NRROS: variants seen among roughly 807,000 people sequenced by gnomAD.
NRROS encodes the protein negative regulator of reactive oxygen species, also known as transforming growth factor beta activator LRRC33.
In NRROS, 6 loss-of-function variants were observed where a neutral mutation model predicts 12.0. The ratio of observed to expected loss-of-function variants is 0.50; its 90% CI spans 0.27 to 0.98. The LOEUF (loss-of-function observed/expected upper bound fraction) is 0.98, where lower values mean the gene tolerates loss of function less well. NRROS is among the 50% of genes least tolerant of loss of function. The probability of loss-of-function intolerance (pLI) is 0.11; values close to 1 mark genes in which losing one functional copy is unlikely to be tolerated. For missense variants in NRROS, 857 were observed against 888.2 expected (o/e 0.96, Z 0.45); for synonymous variants, 462 against 410.2 (o/e 1.13, Z -1.53).
rs767184067 is a variant in NRROS, at chr3:196,661,655, TC to T, written c.2014del (p.Leu672SerfsTer86). On this transcript the variant is annotated frameshift_variant, in exon 3 of 3. Coordinates refer to ENST00000328557, the MANE Select transcript of NRROS (RefSeq NM_198565.3). LOFTEE classifies it high-confidence loss of function. Reference protein sequence around the residue: ...LTLLVACTVIVLTFKKPLLQV... With the variant: ...LTLLVACTVIXLTFKKPLLQV... ...CTGCTGGTGGCCTGCACTGTCATCGTCCTCACTTTTAAGAAGCCTCTGCTTC... is the reference window on the plus strand; with the variant it reads ...CTGCTGGTGGCCTGCACTGTCATCGTCTCACTTTTAAGAAGCCTCTGCTTC... 7 of 1,608,034 alleles carry T rather than the reference TC, an allele frequency of 4.4e-6. 1 individual carries two copies. The South Asian group carries it at 7.7e-5, about 18-fold the overall frequency.
Position 196,654,569 on chromosome 3 carries a change from G to T in NRROS, c.30G>T (p.Leu10=), listed in dbSNP as rs758743417. 1.2e-5 allele frequency: 20 copies of T among 1,614,038 alleles called. No homozygotes were observed. The South Asian group carries it at 1.9e-4, about 15-fold the overall frequency. Residue 10 remains leucine, a synonymous_variant, in exon 2 of 3, where the codon CTG becomes CTT. Transcript: ENST00000328557. The surrounding 1 kb of genome is among the most constrained non-coding windows in gnomAD (Gnocchi z 4.4). ...AGTTGCTGCCTCTTTGGCTCTGCCT[G>T]GGTTTTCACTTCCTGACCGTGGGCT... MELLPLWLC[L]GFHFLTVGWR...
chr3:196,647,647 C>A (rs1168710154), intron 1 of NRROS, among the ~76,000 whole-genome samples: 1 of 152,204 alleles, frequency 6.6e-6, no homozygotes, highest in East Asian at 1.9e-4. Context: ...CAACCTCTGC[C>A]TCCCAGGTTC....
At chr3:196,652,120 C>T (rs1042948114) in intron 1 of NRROS, among the ~76,000 whole-genome samples, 5 of 152,198 alleles carry the variant, frequency 3.3e-5, no homozygotes, top group Non-Finnish European at 7.3e-5. Flanking sequence ...GTGCTCAGGG[C>T]TAGCCTTGCT....
At position 196,660,678 on chromosome 3, in the gene NRROS, C is replaced by G. The variant is rs548849256; in HGVS notation, c.1035C>G (p.Asp345Glu). 6.2e-6 allele frequency: 10 copies of G among 1,614,170 alleles called. No individual in the cohort carries two copies. Among genetic ancestry groups the G allele is most frequent in the South Asian group, 5.5e-5 (5 of 91,086 alleles). Reference sequence around the variant, plus strand: ...AGAACCAGTTCCAGTACCTGCCAGACGGCTTCCTGAGGAAAATGCCTTCCC... The same window carrying G: ...AGAACCAGTTCCAGTACCTGCCAGAGGGCTTCCTGAGGAAAATGCCTTCCC... ...MSQNQFQYLP[D>E]GFLRKMPSLS... Residue 345 changes from aspartate to glutamate, a missense_variant, in exon 3 of 3, where the codon GAC becomes GAG. Physicochemically the swap from Asp to Glu is conservative, Grantham distance 45. Coordinates refer to ENST00000328557, the MANE Select transcript of NRROS (RefSeq NM_198565.3). The surrounding 1 kb of genome is among the most constrained non-coding windows in gnomAD (Gnocchi z 7.7).
intron 1 of NRROS, among the ~76,000 whole-genome samples, chr3:196,642,996 G>C (rs1458647343): frequency 6.6e-6 from 1 of 151,394 alleles, no homozygotes; most frequent in African/African-American, 2.4e-5. Flanking sequence ...CTTGAACCTT[G>C]GAGGCGGAGG....
At chr3:196,645,298 G>A (rs745858695) in intron 1 of NRROS, among the ~76,000 whole-genome samples, 6 of 152,136 alleles carry the variant, frequency 3.9e-5, no homozygotes, top group Admixed American at 1.3e-4. Flanking sequence ...GTGGGCATGC[G>A]TGATTTAGTC....
At chr3:196,655,805 T>G (rs1016206195) in intron 2 of NRROS, among the ~76,000 whole-genome samples, 1 of 152,320 alleles carries the variant, frequency 6.6e-6, no homozygotes, top group African/African-American at 2.4e-5. Flanking sequence ...AAAATAGACT[T>G]GGGTCCAAAC....
At chr3:196,641,542 C>T (rs909336097) in intron 1 of NRROS, among the ~76,000 whole-genome samples, 2 of 152,190 alleles carry the variant, frequency 1.3e-5, no homozygotes, top group Non-Finnish European at 2.9e-5. Flanking sequence ...CTCATGGGAA[C>T]TTCATGAAAA....
At chr3:196,640,710 T>C (rs1339407772) in intron 1 of NRROS, among the ~76,000 whole-genome samples, 1 of 152,158 alleles carries the variant, frequency 6.6e-6, no homozygotes, top group Non-Finnish European at 1.5e-5. Context: ...GCCACTGGTG[T>C]GGCTTTGTGC....
intron 2 of NRROS, among the ~76,000 whole-genome samples, chr3:196,657,340 A>G (rs1256607776): frequency 6.6e-6 from 1 of 152,162 alleles, no homozygotes; most frequent in Non-Finnish European, 1.5e-5. Context: ...GTGGTGGAAC[A>G]GCACCCCATA....
intron 1 of NRROS, among the ~76,000 whole-genome samples, chr3:196,651,715 G>A (rs1019088566): frequency 5.3e-5 from 8 of 152,128 alleles, no homozygotes; most frequent in East Asian, 3.9e-4. Context: ...GCAGTGAGGC[G>A]AGATCACAAC....
rs144013393 is a variant in NRROS, at chr3:196,651,808, G to A, written c.-13-2719G>A. Among the ~76,000 whole-genome samples the A allele has an allele frequency of 3.2e-3, 493 of 152,174 alleles. 1 individual carries two copies. Among genetic ancestry groups the A allele is most frequent in the Non-Finnish European group, 4.7e-3 (321 of 67,992 alleles). On this transcript the variant is annotated intron_variant, in intron 1 of 2. Transcript: ENST00000328557. ...CGAACAAAAACAAAGAGGAGGAGGT[G>A]GTGTCACCAGAGCCTAGGGGTCAGC...
rs780258807 is a variant in NRROS, at chr3:196,661,340, G to T, written c.1697G>T (p.Arg566Leu). The change falls in exon 3 of 3, where the codon CGT (arginine) becomes CTT (leucine). Residue 566 changes from arginine to leucine, a missense_variant. Arg to Leu is a moderately radical substitution (Grantham distance 102). Transcript: ENST00000328557. ...CTGGCCCTGGAGACCCTGGATCTCC[G>T]TAGAAACTCGCTCACAGCCCTTCCC... ...GSLALETLDL[R>L]RNSLTALPQK... The T allele has an allele frequency of 6.3e-7, 1 of 1,586,508 alleles. No homozygotes were observed. The highest frequency in any genetic ancestry group is 1.3e-5 in the African/African-American group (1 of 74,190).
In NRROS at chr3:196,661,751, G is replaced by C. The variant is rs780824888; in HGVS notation, c.*29G>C. On this transcript the variant is annotated 3_prime_UTR_variant, in exon 3 of 3. Coordinates refer to ENST00000328557, the MANE Select transcript of NRROS (RefSeq NM_198565.3). ...GGCTGTGTGCCAAGACTCGAAATTC[G>C]GTCCGCACACAACAGGACACTTTCT... 1.3e-6 allele frequency: 2 copies of C among 1,555,742 alleles called. No homozygotes were observed. Among genetic ancestry groups the C allele is most frequent in the Non-Finnish European group, 1.7e-6 (2 of 1,151,504 alleles).
intron 2 of NRROS, among the ~76,000 whole-genome samples, chr3:196,655,896 A>G (rs528264865): frequency 1.3e-5 from 2 of 152,144 alleles, no homozygotes; most frequent in Non-Finnish European, 2.9e-5. Flanking sequence ...TATTTAGGCC[A>G]GGTGCATGGC....
Position 196,660,903 on chromosome 3 carries a change from C to A in NRROS, c.1260C>A (p.Gly420=), listed in dbSNP as rs1737659414. The stretch of plus-strand genomic sequence containing the variant: ...ACCAGCTCCTGGGCGTCCCCCCTGG[C>A]CTCTTCGCCAATGCTAGGAACATCA... ...SSNQLLGVPP[G]LFANARNITT... Residue 420 remains glycine, a synonymous_variant, in exon 3 of 3, where the codon GGC becomes GGA. Transcript: ENST00000328557. The surrounding 1 kb of genome is among the most constrained non-coding windows in gnomAD (Gnocchi z 7.7). The A allele has an allele frequency of 6.2e-7, 1 of 1,614,080 alleles. No individual in the cohort carries two copies. Among genetic ancestry groups the A allele is most frequent in the Non-Finnish European group, 8.5e-7 (1 of 1,180,058 alleles).
At chr3:196,641,773 C>T (rs116424390) in intron 1 of NRROS, among the ~76,000 whole-genome samples, 23 of 152,310 alleles carry the variant, frequency 1.5e-4, no homozygotes, top group African/African-American at 5.1e-4. Context: ...TGTGCGTCCA[C>T]ACTGCACAGT....
chr3:196,640,090 C>T (rs965864898), intron 1 of NRROS, among the ~76,000 whole-genome samples: 1 of 152,206 alleles, frequency 6.6e-6, no homozygotes. Flanking sequence ...TACCTCCCTC[C>T]AGGAGCACTT....
chr3:196,646,402 A>T (rs1737312182), intron 1 of NRROS, among the ~76,000 whole-genome samples: 2 of 152,226 alleles, frequency 1.3e-5, no homozygotes, highest in Admixed American at 6.5e-5. Context: ...TCCTATAGAA[A>T]GGTGACACCG....
Sources: allele counts gnomAD v4.1 joint callset (sites outside exome capture counted in the v4.1 genomes callset), GRCh38; gene constraint gnomAD v4.1.1; non-coding constraint Gnocchi (gnomAD v3.1); transcripts MANE v1.5; gene names NCBI Gene and HGNC (gene_info 2026-07-23, HGNC 2026-07-21).